Variants in MYO18B observed in about 807,000 individuals in gnomAD.
The protein encoded by MYO18B is unconventional myosin-XVIIIb.
A neutral mutation model predicts 273.0 loss-of-function variants in MYO18B; 204 were observed. That is an observed-to-expected ratio of 0.75 (90% confidence interval 0.67 to 0.84). MYO18B has a LOEUF of 0.84. Among genes scored for constraint, MYO18B ranks in the 40% least tolerant of loss-of-function variants. The pLI is 0.00. For missense variants in MYO18B, 3,212 were observed against 3,287.6 expected, an observed-to-expected ratio of 0.98 and a Z score of 0.56; for synonymous variants, 1,330 against 1,305.7, an observed-to-expected ratio of 1.02 and a Z score of -0.40.
At chr22:25,749,032 C>CATT (rs1197775546) in intron 1 of MYO18B, among the ~76,000 whole-genome samples, 1 of 152,166 alleles carries the variant, frequency 6.6e-6, no homozygotes, top group Non-Finnish European at 1.5e-5. Context: ...CCAGGGCAGA[C>CATT]ATTAATAAAC....
At chr22:25,956,717 A>G (rs2092857121) in intron 39 of MYO18B, among the ~76,000 whole-genome samples, 2 of 152,124 alleles carry the variant, frequency 1.3e-5, no homozygotes, top group Admixed American at 6.5e-5. Context: ...CCTATCGCCT[A>G]CCATCACTCA....
chr22:25,773,013 C>G (rs1469227361), intron 7 of MYO18B, among the ~76,000 whole-genome samples: 1 of 152,162 alleles, frequency 6.6e-6, no homozygotes. Flanking sequence ...TCCTGAGCAC[C>G]CACATCAACG....
chr22:25,751,336 C>G (rs761227246), intron 1 of MYO18B, among the ~76,000 whole-genome samples: 2 of 152,208 alleles, frequency 1.3e-5, no homozygotes, highest in South Asian at 4.1e-4. Flanking sequence ...AACTACCACA[C>G]GCCCTGTGCT....
At chr22:25,766,713 A>G (rs2086519627) in intron 3 of MYO18B, among the ~76,000 whole-genome samples, 1 of 152,224 alleles carries the variant, frequency 6.6e-6, no homozygotes, top group African/African-American at 2.4e-5. Context: ...GGTGACCAGT[A>G]CAGTTCATGC....
At chr22:25,757,547 A>G (rs1002404403) in intron 1 of MYO18B, among the ~76,000 whole-genome samples, 1 of 151,982 alleles carries the variant, frequency 6.6e-6, no homozygotes, top group African/African-American at 2.4e-5. Flanking sequence ...AGACCGTGCC[A>G]TTATACTCCA....
intron 34 of MYO18B, among the ~76,000 whole-genome samples, chr22:25,939,131 G>A (rs1336444141): frequency 1.3e-5 from 2 of 152,200 alleles, no homozygotes; most frequent in African/African-American, 4.8e-5. Context: ...AATGTCTTTT[G>A]AGTGTTTATT....
Position 25,846,260 on chromosome 22 carries a change from T to C in MYO18B, c.3529T>C (p.Cys1177Arg), listed in dbSNP as rs770964005. The C allele has an allele frequency of 6.2e-7, 1 of 1,611,960 alleles. No homozygotes were observed. Among genetic ancestry groups the C allele is most frequent in the Non-Finnish European group, 8.5e-7 (1 of 1,179,784 alleles). Residue 1177 changes from cysteine to arginine, a missense_variant, in exon 19 of 44, where the codon TGC becomes CGC. Transcript: ENST00000335473. ...TGCCGCGGTGAGGAGGAAAGCCCCG[T>C]GCTCCCAGATCAAGCTGCAGATGGT... The part of the protein sequence containing the change: ...SLAAVRRKAP[C>R]SQIKLQMDAL...
rs1569233712 is a variant in MYO18B, at chr22:25,955,369, G to A, written c.6156+5G>A. The A allele has an allele frequency of 5.0e-6, 8 of 1,604,606 alleles. No individual in the cohort carries two copies. ...AGCCGGCGGTGCATGGAGCTGGTGA[G>A]TCCTGTCCCCATCATGGGCTCTTAG... On this transcript the variant is annotated splice_donor_5th_base_variant and intron_variant, in intron 39 of 43. Coordinates refer to ENST00000335473, the MANE Select transcript of MYO18B (RefSeq NM_032608.7).
At chr22:25,926,663 A>T (rs2092425958) in intron 34 of MYO18B, among the ~76,000 whole-genome samples, 2 of 152,166 alleles carry the variant, frequency 1.3e-5, no homozygotes, top group African/African-American at 2.4e-5. Context: ...AACTGTGTTC[A>T]CTCTGCAAAT....
In MYO18B at chr22:25,946,266, T is replaced by G; in HGVS notation, c.5631+16T>G. The G allele has an allele frequency of 6.5e-7, 1 of 1,542,582 alleles. No homozygotes were observed. The highest frequency in any genetic ancestry group is 8.8e-7 in the Non-Finnish European group (1 of 1,139,840). Reference sequence around the variant, plus strand: ...CAAGAGCCTGGTACCTGTCCCTTCCTGCAGCTGCAGGGACCTGGGCCAGCA... The same window carrying G: ...CAAGAGCCTGGTACCTGTCCCTTCCGGCAGCTGCAGGGACCTGGGCCAGCA... On this transcript the variant is annotated intron_variant, in intron 35 of 43. Coordinates refer to ENST00000335473, the MANE Select transcript of MYO18B (RefSeq NM_032608.7).
At chr22:26,042,910 G>T in the MYO18B span, among the ~76,000 whole-genome samples, 1 of 152,210 alleles carries the variant, frequency 6.6e-6, no homozygotes, top group Non-Finnish European at 1.5e-5. Context: ...CATAGCTCAT[G>T]TTTCTAATTT....
chr22:25,944,220 C>T (rs1050113362), intron 34 of MYO18B, among the ~76,000 whole-genome samples: 2 of 152,194 alleles, frequency 1.3e-5, no homozygotes, highest in African/African-American at 4.8e-5. Flanking sequence ...GTCCATTATG[C>T]TCTAACAAGG....
At position 25,821,151 on chromosome 22, in the gene MYO18B, C is replaced by T. The variant is rs572301009; in HGVS notation, c.2522-2354C>T. On this transcript the variant is annotated intron_variant, in intron 12 of 43. Coordinates refer to ENST00000335473, the MANE Select transcript of MYO18B (RefSeq NM_032608.7). ...CAGTAAACATGGGGTACAGATGTCT[C>T]TTTGATGCACTGATTTCCTTGGGAT... Among the ~76,000 whole-genome samples, 7 of 152,314 alleles carry T rather than the reference C, an allele frequency of 4.6e-5. No homozygotes were observed. The South Asian group carries it at 1.5e-3, about 32-fold the overall frequency.
intron 3 of MYO18B, 148 bp from the exon 4 acceptor site, chr22:25,767,967 C>T (rs2086565811): frequency 1.3e-6 from 1 of 763,308 alleles, no homozygotes; most frequent in Admixed American, 2.9e-5. Flanking sequence ...TAGGCTTGGC[C>T]ATGCCTGTTG....
chr22:26,047,776 G>T, the MYO18B span, among the ~76,000 whole-genome samples: 1 of 151,854 alleles, frequency 6.6e-6, no homozygotes, highest in Admixed American at 6.6e-5. Context: ...ATTTCTCTTG[G>T]TTATTTATAT....
At position 25,898,233 on chromosome 22, in the gene MYO18B, A is replaced by T. The variant is rs2091853312; in HGVS notation, c.4669-74A>T. The T allele has an allele frequency of 4.9e-5, 74 of 1,515,928 alleles. 1 individual carries two copies. The South Asian group carries it at 9.0e-4, about 19-fold the overall frequency. The allele number at this position is 1,515,928 out of a possible 1,614,324, so 93.9% of individuals were successfully genotyped here. On this transcript the variant is annotated intron_variant, in intron 28 of 43. Coordinates refer to ENST00000335473, the MANE Select transcript of MYO18B (RefSeq NM_032608.7). ...CTCATTACACACCTTGGAAATAGCA[A>T]CTCCTTGAAATACAAAGTAAAAAGC...
At position 25,890,786 on chromosome 22, in the gene MYO18B, G is replaced by A; in HGVS notation, c.4345G>A (p.Glu1449Lys). The change falls in exon 26 of 44, where the codon GAG becomes AAG. Residue 1449 changes from glutamate (E) to lysine (K), a missense_variant. By Grantham distance (56) the Glu-to-Lys change is moderately conservative. Coordinates refer to ENST00000335473, the MANE Select transcript of MYO18B (RefSeq NM_032608.7). ...IADLTSDLAD[E>K]RFKGDVACQV... Reference sequence around the variant, plus strand: ...TGACTTGACCTCTGACCTTGCCGATGAGCGCTTCAAAGGTGATGTGGCCTG... The same window carrying A: ...TGACTTGACCTCTGACCTTGCCGATAAGCGCTTCAAAGGTGATGTGGCCTG... The A allele has an allele frequency of 6.2e-7, 1 of 1,613,970 alleles. No homozygotes were observed. Among genetic ancestry groups the A allele is most frequent in the Non-Finnish European group, 8.5e-7 (1 of 1,179,882 alleles).
intron 12 of MYO18B, among the ~76,000 whole-genome samples, chr22:25,799,463 T>C (rs5752212): frequency 0.65 from 99,358 of 152,000 alleles, 33,780 homozygotes; most frequent in East Asian, 0.89. Flanking sequence ...CATTGTATTA[T>C]GATTGTGACT....
intron 1 of MYO18B, among the ~76,000 whole-genome samples, chr22:25,758,327 T>C (rs551685427): frequency 1.4e-3 from 220 of 151,982 alleles, no homozygotes; most frequent in Non-Finnish European, 1.9e-3. Flanking sequence ...GTTTTTTTTT[T>C]TTTTTTGAAT....
Sources: allele counts gnomAD v4.1 joint callset (sites outside exome capture counted in the v4.1 genomes callset), GRCh38; gene constraint gnomAD v4.1.1; transcripts MANE v1.5; gene names NCBI Gene and HGNC (gene_info 2026-07-23, HGNC 2026-07-21).